PCDHA12: variants seen among roughly 807,000 people sequenced by gnomAD.
PCDHA12 encodes protocadherin alpha 12.
A neutral mutation model predicts 60.0 loss-of-function variants in PCDHA12; 44 were observed. The ratio of observed to expected loss-of-function variants is 0.73; its 90% CI spans 0.58 to 0.94. PCDHA12 has a LOEUF of 0.94. Ranked by LOEUF, PCDHA12 falls within the 40% of genes least tolerant of loss-of-function variation. The pLI, the probability that PCDHA12 is intolerant of heterozygous loss-of-function variation, is 0.00. For missense variants in PCDHA12, 1,276 were observed against 1,239.7 expected, an observed-to-expected ratio of 1.03 and a Z score of -0.44; for synonymous variants, 569 against 553.0, an observed-to-expected ratio of 1.03 and a Z score of -0.40.
intron 1 of PCDHA12, among the ~76,000 whole-genome samples, chr5:140,952,977 C>G (rs148504111): frequency 6.6e-6 from 1 of 152,064 alleles, no homozygotes; most frequent in East Asian, 1.9e-4. Flanking sequence ...TTTTAAACAA[C>G]AAGATCTCAT....
In PCDHA12 at chr5:140,982,507, G is replaced by A. The variant is rs555523473; in HGVS notation, c.2459G>A (p.Arg820Gln). 21 of 1,614,138 alleles carry A rather than the reference G, an allele frequency of 1.3e-5. No individual in the cohort carries two copies. The highest frequency in any genetic ancestry group is 4.0e-5 in the African/African-American group (3 of 75,040). ...CACCTAGAGGAGGCTGGCATTCTAC[G>A]GGCTGGTCCAGGAGGGCCTGATCAG... is the stretch of plus-strand genomic sequence containing the variant. ...SVHLEEAGILRAGPGGPDQQW... is the reference protein window; with the variant it reads ...SVHLEEAGILQAGPGGPDQQW... The change falls in exon 3 of 4, where the codon CGG (arginine) becomes CAG (glutamine). Residue 820 changes from arginine (R) to glutamine (Q), a missense_variant. Arg to Gln is a conservative substitution (Grantham distance 43). Coordinates refer to ENST00000398631, the MANE Select transcript of PCDHA12 (RefSeq NM_018903.4).
At chr5:141,005,018 T>C (rs2098193299) in intron 3 of PCDHA12, among the ~76,000 whole-genome samples, 1 of 152,250 alleles carries the variant, frequency 6.6e-6, no homozygotes, top group Non-Finnish European at 1.5e-5. Flanking sequence ...AGCTGCATTA[T>C]ATATAATTGC....
chr5:141,004,871 C>T (rs2098186149), intron 3 of PCDHA12, among the ~76,000 whole-genome samples: 2 of 152,126 alleles, frequency 1.3e-5, no homozygotes, highest in South Asian at 4.1e-4. Context: ...TGTTTCTCAT[C>T]CCTAAAGTGC....
intron 1 of PCDHA12, among the ~76,000 whole-genome samples, chr5:140,909,596 T>C (rs2074597089): frequency 6.6e-6 from 1 of 152,222 alleles, no homozygotes; most frequent in South Asian, 2.1e-4. Context: ...TGATTTACTA[T>C]TTTTCTAGGT....
chr5:140,950,070 A>G (rs2094446713), intron 1 of PCDHA12, among the ~76,000 whole-genome samples: 1 of 151,890 alleles, frequency 6.6e-6, no homozygotes, highest in Non-Finnish European at 1.5e-5. Flanking sequence ...TTCCTGTGCC[A>G]TTGCTTATGC....
intron 1 of PCDHA12, chr5:140,884,300 G>C (rs2060088357): frequency 6.2e-7 from 1 of 1,613,712 alleles, no homozygotes; most frequent in Non-Finnish European, 8.5e-7. Context: ...AGCGCCACAG[G>C]CTTCGTCGAG....
chr5:140,970,210 C>G (rs184537292), intron 1 of PCDHA12, among the ~76,000 whole-genome samples: 1 of 152,190 alleles, frequency 6.6e-6, no homozygotes, highest in Non-Finnish European at 1.5e-5. Context: ...CTGAATTTAG[C>G]TTAAATGCAG....
chr5:140,938,765 AC>A (rs1309568560), intron 1 of PCDHA12, among the ~76,000 whole-genome samples: 1 of 152,182 alleles, frequency 6.6e-6, no homozygotes, highest in Non-Finnish European at 1.5e-5. Context: ...GTTATTGGGT[AC>A]TAGACTTAGT....
intron 1 of PCDHA12, chr5:140,929,118 A>G: frequency 2.5e-6 from 4 of 1,614,150 alleles, no homozygotes; most frequent in Non-Finnish European, 3.4e-6. Flanking sequence ...CAGCCACCAT[A>G]GATGTCACTA....
chr5:140,935,242 A>G (rs1054515711), intron 1 of PCDHA12, among the ~76,000 whole-genome samples: 16 of 152,218 alleles, frequency 1.1e-4, no homozygotes, highest in African/African-American at 3.6e-4. Context: ...ATTTTTTAAA[A>G]GATAAAATAC....
intron 1 of PCDHA12, among the ~76,000 whole-genome samples, chr5:140,896,566 G>A (rs1562891221): frequency 6.7e-6 from 1 of 150,252 alleles, no homozygotes; most frequent in Non-Finnish European, 1.5e-5. Context: ...AAGTAGAGAT[G>A]GGGTTTTGAC....
chr5:140,931,147 A>G (rs1469532498), intron 1 of PCDHA12, among the ~76,000 whole-genome samples: 1 of 152,206 alleles, frequency 6.6e-6, no homozygotes, highest in Non-Finnish European at 1.5e-5. Context: ...AGTGGATACT[A>G]TTTAATAGAA....
intron 3 of PCDHA12, among the ~76,000 whole-genome samples, chr5:140,987,981 ACT>A (rs2153869731): frequency 6.6e-6 from 1 of 152,028 alleles, no homozygotes; most frequent in African/African-American, 2.4e-5. Context: ...CTCCATGGAG[ACT>A]CCATCTCTGA....
At chr5:140,967,214 C>T (rs2096114688) in intron 1 of PCDHA12, 10 of 1,613,692 alleles carry the variant, frequency 6.2e-6, no homozygotes, top group Non-Finnish European at 8.5e-6. Context: ...GCGTTTCCCG[C>T]GGCCCAACTA....
At chr5:140,931,881 T>C (rs2087825880) in intron 1 of PCDHA12, among the ~76,000 whole-genome samples, 1 of 152,002 alleles carries the variant, frequency 6.6e-6, no homozygotes, top group African/African-American at 2.4e-5. Flanking sequence ...TTTATTGCTT[T>C]CATTTTATTT....
intron 1 of PCDHA12, among the ~76,000 whole-genome samples, chr5:140,878,435 A>G (rs1582436641): frequency 6.6e-6 from 1 of 152,242 alleles, no homozygotes; most frequent in African/African-American, 2.4e-5. Context: ...TAGATACTGT[A>G]CTATTCTTAT....
intron 1 of PCDHA12, among the ~76,000 whole-genome samples, chr5:140,878,958 T>C (rs2057789754): frequency 6.6e-6 from 1 of 152,208 alleles, no homozygotes; most frequent in Admixed American, 6.5e-5. Context: ...TTGAAATGTA[T>C]TACCTGGACA....
intron 2 of PCDHA12, among the ~76,000 whole-genome samples, chr5:140,981,776 A>T (rs908868836): frequency 2.4e-4 from 36 of 151,980 alleles, no homozygotes; most frequent in African/African-American, 8.0e-4. Context: ...TGAATACTGC[A>T]CCATGTTCTC....
intron 1 of PCDHA12, among the ~76,000 whole-genome samples, chr5:140,902,906 G>T (rs1047423029): frequency 9.2e-5 from 14 of 152,162 alleles, no homozygotes; most frequent in Admixed American, 3.3e-4. Context: ...TTAGTTTATG[G>T]CTGAGTAGTA....
Sources: allele counts gnomAD v4.1 joint callset (sites outside exome capture counted in the v4.1 genomes callset), GRCh38; gene constraint gnomAD v4.1.1; transcripts MANE v1.5; gene names NCBI Gene and HGNC (gene_info 2026-07-23, HGNC 2026-07-21).